Variants in ABCC4 observed in about 807,000 individuals in gnomAD.
ABCC4 encodes the protein ATP-binding cassette sub-family C member 4.
Under a neutral mutation model 168.5 loss-of-function variants are expected in ABCC4, and 102 were observed. The observed-to-expected ratio is 0.61, with a 90% CI of 0.52 to 0.71. The LOEUF is 0.71. Ranked by LOEUF, ABCC4 falls within the 30% of genes least tolerant of loss-of-function variation. The probability of loss-of-function intolerance (pLI) is 0.00; values close to 1 mark genes in which losing one functional copy is unlikely to be tolerated. For missense variants in ABCC4, 1,402 were observed against 1,605.8 expected, an observed-to-expected ratio of 0.87 and a Z score of 2.17; for synonymous variants, 617 against 590.7, an observed-to-expected ratio of 1.04 and a Z score of -0.65.
chr13:95,056,264 T>G (rs559439838), intron 26 of ABCC4, among the ~76,000 whole-genome samples: 1 of 152,212 alleles, frequency 6.6e-6, no homozygotes. Flanking sequence ...CAGAGCTATG[T>G]GTGCATTTCA....
At chr13:95,048,053 A>G (rs1275919928) in intron 27 of ABCC4, among the ~76,000 whole-genome samples, 1 of 152,156 alleles carries the variant, frequency 6.6e-6, no homozygotes, top group African/African-American at 2.4e-5. Flanking sequence ...TGACATGTCT[A>G]TTCTTATAAA....
At chr13:95,214,461 CA>C (rs1321110925) in intron 4 of ABCC4, among the ~76,000 whole-genome samples, 2 of 151,920 alleles carry the variant, frequency 1.3e-5, no homozygotes, top group African/African-American at 4.8e-5. Context: ...CAATGAAGGA[CA>C]AAAACAAAGA....
chr13:95,058,271 G>C (rs527524854), intron 26 of ABCC4, among the ~76,000 whole-genome samples: 1 of 152,048 alleles, frequency 6.6e-6, no homozygotes, highest in Non-Finnish European at 1.5e-5. Flanking sequence ...GCTCTCTTTG[G>C]TTATGGCTTC....
intron 1 of ABCC4, among the ~76,000 whole-genome samples, chr13:95,276,354 G>A (rs1199722762): frequency 6.7e-6 from 1 of 148,628 alleles, no homozygotes; most frequent in East Asian, 2.0e-4. Flanking sequence ...AGTCAAGGCT[G>A]CAGTGAGCCA....
intron 30 of ABCC4, among the ~76,000 whole-genome samples, chr13:95,029,988 T>TATCC (rs71207571): frequency 0.43 from 62,494 of 146,122 alleles, 13,481 homozygotes; most frequent in East Asian, 0.57. Flanking sequence ...CTTGTCTATC[T>TATCC]ATCCATCCAT....
intron 11 of ABCC4, among the ~76,000 whole-genome samples, chr13:95,179,199 C>T (rs550802943): frequency 3.9e-5 from 6 of 152,282 alleles, no homozygotes; most frequent in South Asian, 2.1e-4. Flanking sequence ...AGCCATTTTG[C>T]GACTTTTGCC....
chr13:95,263,523 TAAC>T (rs1411362097), intron 1 of ABCC4, among the ~76,000 whole-genome samples: 2 of 152,086 alleles, frequency 1.3e-5, no homozygotes, highest in East Asian at 3.9e-4. Flanking sequence ...TGAGATCCCA[TAAC>T]AATAAATATG....
chr13:95,248,449 T>C (rs1185586258), intron 1 of ABCC4, among the ~76,000 whole-genome samples: 1 of 152,066 alleles, frequency 6.6e-6, no homozygotes, highest in Non-Finnish European at 1.5e-5. Flanking sequence ...AAGGACAAAA[T>C]AGTAATCTTG....
chr13:95,254,940 G>C (rs770997048), intron 1 of ABCC4, among the ~76,000 whole-genome samples: 1 of 152,048 alleles, frequency 6.6e-6, no homozygotes, highest in Non-Finnish European at 1.5e-5. Context: ...TTTGTCACGT[G>C]AATGAACACA....
At chr13:95,273,522 A>G (rs2040894357) in intron 1 of ABCC4, among the ~76,000 whole-genome samples, 1 of 152,172 alleles carries the variant, frequency 6.6e-6, no homozygotes, top group Admixed American at 6.6e-5. Flanking sequence ...ATTAAACGCA[A>G]CAAGGCCAGG....
intron 1 of ABCC4, among the ~76,000 whole-genome samples, chr13:95,283,165 G>A (rs2041169928): frequency 6.7e-6 from 1 of 149,924 alleles, no homozygotes; most frequent in Admixed American, 6.7e-5. Context: ...GCAGTGAGCT[G>A]AGATAGCGCC....
intron 13 of ABCC4, among the ~76,000 whole-genome samples, chr13:95,176,711 A>G (rs2037716216): frequency 1.3e-5 from 2 of 152,170 alleles, no homozygotes; most frequent in Admixed American, 6.5e-5. Flanking sequence ...AAGATGTTTC[A>G]TGCAGTAGCA....
At chr13:95,189,017 G>T (rs898710167) in intron 9 of ABCC4, among the ~76,000 whole-genome samples, 3 of 150,866 alleles carry the variant, frequency 2.0e-5, no homozygotes, top group Non-Finnish European at 2.9e-5. Flanking sequence ...CATGCATTAT[G>T]TATTTGTCCT....
intron 30 of ABCC4, among the ~76,000 whole-genome samples, chr13:95,031,261 G>C (rs1389867052): frequency 6.6e-6 from 1 of 152,212 alleles, no homozygotes; most frequent in East Asian, 1.9e-4. Context: ...CTGTAGAGGA[G>C]GTGACCTGAG....
In ABCC4 at chr13:95,163,181, T is replaced by G. The variant is rs780324994; in HGVS notation, c.2249A>C (p.Asn750Thr). ...CTTCTCGGTTACATTTCCTCCTCCA[T>G]TTACAGTGACATTTAGCATACTTTG... ...NKQSMLNVTVNGGGNVTEKLD... is the reference protein window; with the variant it reads ...NKQSMLNVTVTGGGNVTEKLD... The change falls in exon 18 of 31, where the codon AAT becomes ACT. Residue 750 changes from asparagine (N) to threonine (T), a missense_variant. Physicochemically the swap from Asn to Thr is moderately conservative, Grantham distance 65. Transcript: ENST00000645237. 6.2e-7 allele frequency: 1 copy of G among 1,613,352 alleles called. No individual in the cohort carries two copies. Among genetic ancestry groups the G allele is most frequent in the Non-Finnish European group, 8.5e-7 (1 of 1,179,526 alleles).
chr13:95,176,564 T>C (rs2037711576), intron 13 of ABCC4, among the ~76,000 whole-genome samples: 1 of 152,196 alleles, frequency 6.6e-6, no homozygotes, highest in Non-Finnish European at 1.5e-5. Context: ...TGTTGAACTT[T>C]TCCCATGCAC....
chr13:95,174,494 T>C (rs2037595881), intron 13 of ABCC4, among the ~76,000 whole-genome samples: 1 of 152,214 alleles, frequency 6.6e-6, no homozygotes, highest in African/African-American at 2.4e-5. Context: ...AAGAATGTGA[T>C]TCTGATTAGC....
At chr13:95,262,677 G>A (rs910090217) in intron 1 of ABCC4, among the ~76,000 whole-genome samples, 2 of 151,090 alleles carry the variant, frequency 1.3e-5, no homozygotes, top group African/African-American at 4.9e-5. Context: ...CTGTTGCCCA[G>A]GCTGGAGTGC....
At chr13:95,024,206 C>CAAAACAAAAAAAAA (rs1555301367) in intron 30 of ABCC4, among the ~76,000 whole-genome samples, 1 of 43,942 alleles carries the variant, frequency 2.3e-5, no homozygotes, top group Non-Finnish European at 5.2e-5. Flanking sequence ...GAGACTGTCT[C>CAAAACAAAAAAAAA]AAAAAAAAAA....
Sources: allele counts gnomAD v4.1 joint callset (sites outside exome capture counted in the v4.1 genomes callset), GRCh38; gene constraint gnomAD v4.1.1; transcripts MANE v1.5; gene names NCBI Gene and HGNC (gene_info 2026-07-23, HGNC 2026-07-21).